Variants in FEZ2 observed in about 807,000 individuals in gnomAD.
FEZ2 encodes the protein fasciculation and elongation protein zeta-2.
Under a neutral mutation model 40.4 loss-of-function variants are expected in FEZ2, and 51 were observed. The observed-to-expected ratio is 1.26, with a 90% CI of 1.01 to 1.59. The LOEUF (loss-of-function observed/expected upper bound fraction) is 1.59. Among genes scored for constraint, FEZ2 ranks in the 40% most tolerant of loss-of-function variants. The pLI, the probability that FEZ2 is intolerant of heterozygous loss-of-function variation, is 0.00. For synonymous variants in FEZ2, 242 were observed against 172.0 expected (o/e 1.41, Z -3.18); for missense variants, 640 against 438.3 (o/e 1.46, Z -4.11).
At chr2:36,553,785 C>T (rs1667883993) in intron 7 of FEZ2, among the ~76,000 whole-genome samples, 1 of 152,154 alleles carries the variant, frequency 6.6e-6, no homozygotes, top group South Asian at 2.1e-4. Flanking sequence ...CCAAGCCACA[C>T]TCTCATCTGT....
At chr2:36,585,061 A>T (rs922653808) in intron 2 of FEZ2, among the ~76,000 whole-genome samples, 4 of 152,176 alleles carry the variant, frequency 2.6e-5, no homozygotes, top group Non-Finnish European at 4.4e-5. Context: ...ATGAACTAAG[A>T]ACACTGTGTG....
chr2:36,583,923 C>T lies in FEZ2; in HGVS notation c.376-454G>A, dbSNP rs116514455. Reference sequence around the variant, plus strand: ...CTGAAAGGCGGGATCTGTCCATGAGCGTCACACTTAGCCCTTCCAATTGCA... The same window carrying T: ...CTGAAAGGCGGGATCTGTCCATGAGTGTCACACTTAGCCCTTCCAATTGCA... On this transcript the variant is annotated intron_variant, in intron 2 of 7. Transcript: ENST00000405912. The T allele has an allele frequency of 9.1e-3, 1,436 of 157,702 alleles. 13 individuals are homozygous for T. The highest frequency in any genetic ancestry group is 0.033 in the African/African-American group (1,376 of 41,586). 9.8% of individuals were successfully genotyped at this position (157,702 alleles called of 1,614,324 possible).
intron 6 of FEZ2, chr2:36,556,100 C>T (rs1319348957): frequency 2.1e-6 from 1 of 470,280 alleles, no homozygotes; most frequent in Admixed American, 2.6e-5. Context: ...TAATGTGCAC[C>T]TCAATGAACT....
chr2:36,597,259 G>A (rs904835094), intron 1 of FEZ2, among the ~76,000 whole-genome samples: 4 of 151,820 alleles, frequency 2.6e-5, no homozygotes, highest in Admixed American at 1.3e-4. Context: ...CACCTGCCAG[G>A]CACACTCCCA....
chr2:36,552,314 G>A lies in FEZ2; in HGVS notation c.*849C>T. The A allele has an allele frequency of 4.8e-6, 2 of 415,192 alleles. No homozygotes were observed. Among genetic ancestry groups the A allele is most frequent in the South Asian group, 3.6e-5 (2 of 54,982 alleles). The allele number at this position is 415,192 out of a possible 1,614,324, so 25.7% of individuals were successfully genotyped here. A position where few individuals can be genotyped will look rare whatever the true frequency, so the allele number is the denominator to read the frequency against. On this transcript the variant is annotated 3_prime_UTR_variant, in exon 8 of 8. Coordinates refer to ENST00000405912, the MANE Select transcript of FEZ2 (RefSeq NM_005102.3). ...ATTGATTTGACTGGAACCAGCAAAAGTGCTCATGATATTGATGAATCCATA... is the reference window on the plus strand; with the variant it reads ...ATTGATTTGACTGGAACCAGCAAAAATGCTCATGATATTGATGAATCCATA...
At chr2:36,563,791 T>C (rs1457776178) in intron 5 of FEZ2, among the ~76,000 whole-genome samples, 1 of 152,188 alleles carries the variant, frequency 6.6e-6, no homozygotes, top group Non-Finnish European at 1.5e-5. Flanking sequence ...TTTTCAGATC[T>C]CTGAGACATC....
intron 5 of FEZ2, chr2:36,560,740 A>C: frequency 8.1e-7 from 1 of 1,240,560 alleles, no homozygotes; most frequent in Non-Finnish European, 1.2e-6. Context: ...ACTTACACAG[A>C]AAATGAAAAA....
In FEZ2 at chr2:36,553,159, T is replaced by G. The variant is rs1355735397; in HGVS notation, c.*4A>C. ...TGGAGCCCACCGCAGATAAAGTTGC[T>G]GCTCTATGTAGGACACAGAACTAGA... On this transcript the variant is annotated 3_prime_UTR_variant, in exon 8 of 8. Coordinates refer to ENST00000405912, the MANE Select transcript of FEZ2 (RefSeq NM_005102.3). The G allele has an allele frequency of 6.4e-7, 1 of 1,566,830 alleles. No homozygotes were observed. The highest frequency in any genetic ancestry group is 1.9e-5 in the Admixed American group (1 of 53,424).
chr2:36,555,842 A>T (rs1045354276), intron 6 of FEZ2, 94 bp from the exon 7 acceptor site: 15 of 726,166 alleles, frequency 2.1e-5, no homozygotes, highest in Non-Finnish European at 3.2e-5. Flanking sequence ...ATCTTCCTTA[A>T]TTATAGGATA....
At chr2:36,583,327 T>A (rs761640583) in intron 3 of FEZ2, 26 bp downstream of exon 3, 30,240 of 1,206,014 alleles carry the variant, frequency 0.025, 723 homozygotes, top group South Asian at 0.092. Flanking sequence ...CTCCTTTCCT[T>A]GCGTTGCTGA....
intron 2 of FEZ2, among the ~76,000 whole-genome samples, chr2:36,589,229 G>A (rs960074750): frequency 6.6e-6 from 1 of 152,198 alleles, no homozygotes; most frequent in African/African-American, 2.4e-5. Flanking sequence ...AGAGAAGGCA[G>A]TGGTAATTTT....
At chr2:36,558,806 A>G (rs887357024) in intron 5 of FEZ2, 2 of 215,090 alleles carry the variant, frequency 9.3e-6, no homozygotes, top group Non-Finnish European at 1.8e-5. Context: ...GGTTTACTCA[A>G]TTTGTTCATT....
chr2:36,579,415 G>A (rs954144807), intron 4 of FEZ2, among the ~76,000 whole-genome samples: 5 of 152,192 alleles, frequency 3.3e-5, no homozygotes, highest in African/African-American at 1.2e-4. Flanking sequence ...ACAGAAATGT[G>A]ATGCTGGAGG....
At chr2:36,557,494 A>G (rs1023424637) in intron 6 of FEZ2, 5 of 152,204 alleles carry the variant, frequency 3.3e-5, no homozygotes, top group African/African-American at 1.2e-4. Context: ...AATTTCCAAA[A>G]TAAGTATCAT....
chr2:36,569,218 A>G (rs1393944053), intron 5 of FEZ2, among the ~76,000 whole-genome samples: 1 of 152,236 alleles, frequency 6.6e-6, no homozygotes, highest in African/African-American at 2.4e-5. Flanking sequence ...GCAAATATCA[A>G]TATTCAAAAA....
rs144826829 is a variant in FEZ2 at position 36,562,540 on chromosome 2, G to C, written c.904-4027C>G. ...TACCTAGCCTTTCCCAGATTTGCAA[G>C]CCAGTTTTGCTTCAGCAAGAATCAA... On this transcript the variant is annotated intron_variant, in intron 5 of 7. Transcript: ENST00000405912. 2.3e-4 allele frequency among the ~76,000 whole-genome samples: 35 copies of C among 152,260 alleles called. No individual in the cohort carries two copies. In the East Asian group the frequency reaches 6.6e-3, roughly 29 times the overall value.
At chr2:36,593,638 G>C (rs1669132850) in intron 1 of FEZ2, among the ~76,000 whole-genome samples, 1 of 152,020 alleles carries the variant, frequency 6.6e-6, no homozygotes, top group Non-Finnish European at 1.5e-5. Context: ...AAGTCCCTAG[G>C]CCGCATACAG....
At chr2:36,587,650 T>C (rs1018907424) in intron 2 of FEZ2, among the ~76,000 whole-genome samples, 44 of 115,400 alleles carry the variant, frequency 3.8e-4, no homozygotes, top group Non-Finnish European at 5.0e-4. Flanking sequence ...AAACCATTCT[T>C]CTTTTGTCAA....
chr2:36,591,328 A>C (rs1669067100), intron 1 of FEZ2: 1 of 240,590 alleles, frequency 4.2e-6, no homozygotes, highest in African/African-American at 2.3e-5. Flanking sequence ...AACTCATGTA[A>C]TCTTCAAAAA....
Sources: allele counts gnomAD v4.1 joint callset (sites outside exome capture counted in the v4.1 genomes callset), GRCh38; gene constraint gnomAD v4.1.1; transcripts MANE v1.5; gene names NCBI Gene and HGNC (gene_info 2026-07-23, HGNC 2026-07-21).